Variants in CEMIP2 observed in about 807,000 individuals in gnomAD.
CEMIP2 encodes the protein cell surface hyaluronidase CEMIP2.
A neutral mutation model predicts 146.9 loss-of-function variants in CEMIP2; 79 were observed. The ratio of observed to expected loss-of-function variants is 0.54; its 90% CI spans 0.45 to 0.65. CEMIP2 has a LOEUF of 0.65. Among genes scored for constraint, CEMIP2 ranks in the 30% least tolerant of loss-of-function variants. CEMIP2 has a pLI of 0.00. For missense variants in CEMIP2, 1,596 were observed against 1,696.2 expected (o/e 0.94, Z 1.04); for synonymous variants, 601 against 606.3 (o/e 0.99, Z 0.13).
chr9:71,750,608 ATTTTT>A (rs560628836), intron 1 of CEMIP2, among the ~76,000 whole-genome samples: 1 of 141,160 alleles, frequency 7.1e-6, no homozygotes, highest in Admixed American at 7.1e-5. Flanking sequence ...CGCCCAGCTA[ATTTTT>A]TTTTTTTTTT....
chr9:71,718,103 A>C (rs1426858334), intron 12 of CEMIP2, 24 bp from the exon 13 acceptor site: 3 of 1,587,618 alleles, frequency 1.9e-6, no homozygotes, highest in Non-Finnish European at 2.6e-6. Flanking sequence ...AAAGAATTTT[A>C]AAAAATATAA....
At position 71,768,513 on chromosome 9, in the gene CEMIP2, T is replaced by A. The variant is rs900325986; in HGVS notation, c.-169A>T. ...CCCGCAGCTGCCGCTCGTACTCAAC[T>A]GGCAGCCGCAGCCTCTGCCTGGAGG... is the stretch of plus-strand genomic sequence containing the variant. On this transcript the variant is annotated 5_prime_UTR_variant, in exon 1 of 24. Coordinates refer to ENST00000377044, the MANE Select transcript of CEMIP2 (RefSeq NM_013390.3). 2 of 152,360 alleles carry A rather than the reference T, an allele frequency of 1.3e-5. No homozygotes were observed. Among genetic ancestry groups the A allele is most frequent in the East Asian group, 1.9e-4 (1 of 5,156 alleles). 9.4% of individuals were successfully genotyped at this position (152,360 alleles called of 1,614,324 possible).
chr9:71,698,058 T>G lies in CEMIP2; in HGVS notation c.3524A>C (p.Tyr1175Ser), dbSNP rs974692618. ...NCMAKAYPQY[Y>S]RKPSVVKRMP... is the part of the protein sequence containing the mutation. ...CCGCTTGACCACTGACGGCTTTCTG[T>G]AGTACTGTGGGTATGCTTTGGCCAT... is the stretch of plus-strand genomic sequence containing the variant. The change falls in exon 20 of 24, where the codon TAC (tyrosine) becomes TCC (serine). Residue 1175 changes from tyrosine (Y) to serine (S), a missense_variant. By Grantham distance (144) the Tyr-to-Ser change is moderately radical. Transcript: ENST00000377044. The G allele has an allele frequency of 1.9e-6, 3 of 1,614,052 alleles. No individual in the cohort carries two copies. In the African/African-American group the frequency reaches 4.0e-5, roughly 22 times the overall value.
chr9:71,722,582 T>G (rs941047225), intron 11 of CEMIP2, 67 bp from the exon 12 acceptor site: 2 of 1,280,130 alleles, frequency 1.6e-6, no homozygotes, highest in African/African-American at 1.5e-5. Context: ...ATACAATGAT[T>G]CATGAAAATA....
At chr9:71,729,744 T>C (rs997830919) in intron 10 of CEMIP2, 101 bp downstream of exon 10, 15 of 1,119,950 alleles carry the variant, frequency 1.3e-5, no homozygotes, top group Non-Finnish European at 2.0e-5. Context: ...AATGTCATGC[T>C]TGGGTTACAC....
chr9:71,758,166 G>GA (rs1254928105), intron 1 of CEMIP2, among the ~76,000 whole-genome samples: 1 of 152,114 alleles, frequency 6.6e-6, no homozygotes, highest in East Asian at 1.9e-4. Flanking sequence ...CTATTTATGA[G>GA]AAAACGGACA....
chr9:71,690,323 T>G, intron 21 of CEMIP2, 77 bp from the exon 22 acceptor site: 2 of 1,512,168 alleles, frequency 1.3e-6, no homozygotes, highest in Non-Finnish European at 1.8e-6. Context: ...TTCCGGCCCT[T>G]TCCCTGTGTC....
intron 1 of CEMIP2, among the ~76,000 whole-genome samples, chr9:71,753,669 CAGAT>C (rs1240061334): frequency 1.3e-5 from 2 of 152,098 alleles, no homozygotes; most frequent in African/African-American, 2.4e-5. Flanking sequence ...ATATTTTAAA[CAGAT>C]AGCTTCCTCA....
intron 18 of CEMIP2, among the ~76,000 whole-genome samples, chr9:71,701,061 T>C (rs1822545891): frequency 1.3e-5 from 2 of 152,302 alleles, no homozygotes; most frequent in South Asian, 4.1e-4. Context: ...TCAATAGATA[T>C]ACAGCAAAAA....
chr9:71,713,605 G>A (rs1167777242), intron 15 of CEMIP2, among the ~76,000 whole-genome samples: 1 of 152,144 alleles, frequency 6.6e-6, no homozygotes, highest in Non-Finnish European at 1.5e-5. Context: ...AATAAAACTG[G>A]AGGTCAATAT....
intron 1 of CEMIP2, among the ~76,000 whole-genome samples, chr9:71,757,551 A>G (rs1312741691): frequency 6.6e-6 from 1 of 152,230 alleles, no homozygotes; most frequent in African/African-American, 2.4e-5. Context: ...AAGTAAAAAG[A>G]GGAGTGAGCA....
intron 17 of CEMIP2, among the ~76,000 whole-genome samples, chr9:71,707,768 AG>A (rs1227573177): frequency 6.6e-6 from 1 of 152,232 alleles, no homozygotes. Context: ...AATCAAAGAA[AG>A]GGGCTTCTTT....
At chr9:71,699,639 A>G (rs1822502051) in intron 19 of CEMIP2, among the ~76,000 whole-genome samples, 1 of 152,116 alleles carries the variant, frequency 6.6e-6, no homozygotes, top group Admixed American at 6.5e-5. Flanking sequence ...CCCCAAGTCA[A>G]TCTCGCCACC....
intron 1 of CEMIP2, among the ~76,000 whole-genome samples, chr9:71,752,668 T>TCC (rs1456785341): frequency 1.3e-5 from 2 of 151,908 alleles, no homozygotes; most frequent in African/African-American, 4.8e-5. Flanking sequence ...TTACAATTAA[T>TCC]CCCCTTCATC....
At chr9:71,756,444 T>A (rs1402244803) in intron 1 of CEMIP2, among the ~76,000 whole-genome samples, 1 of 148,262 alleles carries the variant, frequency 6.7e-6, no homozygotes, top group Non-Finnish European at 1.5e-5. Context: ...CTAAGCATAC[T>A]CCCAAAGAAT....
At chr9:71,737,504 AGTG>A (rs1346305134) in intron 5 of CEMIP2, among the ~76,000 whole-genome samples, 1 of 152,222 alleles carries the variant, frequency 6.6e-6, no homozygotes, top group Non-Finnish European at 1.5e-5. Flanking sequence ...GAGAATCAAA[AGTG>A]GGGAAATTCA....
At chr9:71,696,015 A>C (rs1435050690) in intron 20 of CEMIP2, among the ~76,000 whole-genome samples, 1 of 152,220 alleles carries the variant, frequency 6.6e-6, no homozygotes, top group Non-Finnish European at 1.5e-5. Context: ...AGCGACTTCA[A>C]CTACTTTGCA....
intron 14 of CEMIP2, among the ~76,000 whole-genome samples, chr9:71,715,625 G>GATATATATATATATATATATATAT (rs71790721): frequency 1.7e-4 from 20 of 119,078 alleles, no homozygotes; most frequent in East Asian, 5.3e-4. Flanking sequence ...TCCCTCTTAA[G>GATATATATATATATATATATATAT]ATATATATAT....
Position 71,746,212 on chromosome 9 carries a change from A to ATGAC in CEMIP2, c.457_460dup (p.Ile154SerfsTer14), listed in dbSNP as rs1248516193. The ATGAC allele has an allele frequency of 6.2e-7, 1 of 1,613,596 alleles. No individual in the cohort carries two copies. Among genetic ancestry groups the ATGAC allele is most frequent in the Non-Finnish European group, 8.5e-7 (1 of 1,179,680 alleles). On this transcript the variant is annotated frameshift_variant, in exon 3 of 24. Transcript: ENST00000377044. LOFTEE classifies it high-confidence loss of function. ...GAACCATTACCTACCTCCATCCTGAATGACTATAGAATGCACGGTGGCGTC... is the reference window on the plus strand; with the variant it reads ...GAACCATTACCTACCTCCATCCTGAATGACTGACTATAGAATGCACGGTGGCGTC...
Sources: allele counts gnomAD v4.1 joint callset (sites outside exome capture counted in the v4.1 genomes callset), GRCh38; gene constraint gnomAD v4.1.1; transcripts MANE v1.5; gene names NCBI Gene and HGNC (gene_info 2026-07-23, HGNC 2026-07-21).